Variants in ZNF532 observed in about 807,000 individuals in gnomAD.
ZNF532 encodes zinc finger protein 532.
A neutral mutation model predicts 89.3 loss-of-function variants in ZNF532; 22 were observed. The observed-to-expected ratio is 0.25, with a 90% confidence interval of 0.18 to 0.35. The LOEUF (loss-of-function observed/expected upper bound fraction) is 0.35, where lower values mean the gene tolerates loss of function less well. Ranked by LOEUF, ZNF532 falls within the 10% of genes least tolerant of loss-of-function variation. The pLI is 1.00. For missense variants in ZNF532, 1,132 were observed against 1,643.4 expected (o/e 0.69, Z 5.38); for synonymous variants, 606 against 649.6 (o/e 0.93, Z 1.02).
At chr18:58,969,873 CTTTTTTTTTTTTTT>C (rs10617418) in intron 7 of ZNF532, among the ~76,000 whole-genome samples, 3 of 84,750 alleles carry the variant, frequency 3.5e-5, no homozygotes, top group South Asian at 4.8e-4. Flanking sequence ...ATATTTGTCC[CTTTTTTTTTTTTTT>C]TTTTTTTTTT....
At chr18:58,880,793 T>TGTGTGTGTGTG (rs1402848016) in intron 2 of ZNF532, among the ~76,000 whole-genome samples, 3 of 151,440 alleles carry the variant, frequency 2.0e-5, no homozygotes, top group Non-Finnish European at 2.9e-5. Flanking sequence ...TGTGTGTATG[T>TGTGTGTGTGTG]TTGGGGCCCC....
At chr18:58,940,606 A>AG (rs1318928125) in intron 5 of ZNF532, among the ~76,000 whole-genome samples, 1 of 152,104 alleles carries the variant, frequency 6.6e-6, no homozygotes, top group East Asian at 1.9e-4. Flanking sequence ...TCCCCCATGA[A>AG]GTGAGGGTCC....
At chr18:58,916,709 T>C (rs1295659854) in intron 2 of ZNF532, 2 of 985,306 alleles carry the variant, frequency 2.0e-6, no homozygotes, top group African/African-American at 3.5e-5. Context: ...CTTCAGTGTG[T>C]TTGGATGTGT....
chr18:58,922,334 G>A (rs2061172661), intron 3 of ZNF532, among the ~76,000 whole-genome samples: 1 of 152,106 alleles, frequency 6.6e-6, no homozygotes, highest in Non-Finnish European at 1.5e-5. Context: ...TAAGTTCTTT[G>A]TAGCATTTTC....
chr18:58,978,825 G>C (rs984972520), intron 7 of ZNF532, among the ~76,000 whole-genome samples: 1 of 152,128 alleles, frequency 6.6e-6, no homozygotes, highest in Non-Finnish European at 1.5e-5. Flanking sequence ...TGGATAGCTT[G>C]AAGGGACTTT....
At chr18:58,933,905 A>G (rs138685416) in intron 3 of ZNF532, among the ~76,000 whole-genome samples, 16 of 152,322 alleles carry the variant, frequency 1.1e-4, no homozygotes, top group African/African-American at 3.6e-4. Context: ...TTAAAGGCCA[A>G]TTTTAGTGCA....
intron 2 of ZNF532, among the ~76,000 whole-genome samples, chr18:58,898,907 T>C (rs1162025718): frequency 1.3e-5 from 2 of 152,200 alleles, no homozygotes; most frequent in African/African-American, 4.8e-5. Context: ...GTTTGGCCAG[T>C]TTCCAAAATT....
rs147006206 is a variant in ZNF532, at chr18:58,951,044, G to A, written c.2869-2474G>A. ...TATCAGGGCTCAAGGCAGCCTCCAT[G>A]TCCTGGGCTCAGGTGATCCTCCAAC... On this transcript the variant is annotated intron_variant, in intron 6 of 9. Transcript: ENST00000591808. Among the ~76,000 whole-genome samples the A allele has an allele frequency of 3.1e-3, 465 of 151,768 alleles. 4 individuals are homozygous for A. The East Asian group carries it at 0.054, about 18-fold the overall frequency.
At chr18:58,951,427 G>C (rs1394933094) in intron 6 of ZNF532, among the ~76,000 whole-genome samples, 1 of 152,160 alleles carries the variant, frequency 6.6e-6, no homozygotes, top group Admixed American at 6.5e-5. Context: ...AAAGTTGCTA[G>C]AGGGTTTTAG....
rs1462406075 is a variant in ZNF532, at chr18:58,984,574, C to G, written c.*108C>G. The G allele has an allele frequency of 4.5e-6, 6 of 1,333,934 alleles. No individual in the cohort carries two copies. In the East Asian group the frequency reaches 1.0e-4, roughly 22 times the overall value. 82.6% of individuals were successfully genotyped at this position (1,333,934 alleles called of 1,614,324 possible). A position where few individuals can be genotyped will look rare whatever the true frequency, so the allele number is the denominator to read the frequency against. Reference sequence around the variant, plus strand: ...GTTAACAGTACTGTCTAGGCTGTTGCAATATATTCTCTTTCAATGTACCTT... The same window carrying G: ...GTTAACAGTACTGTCTAGGCTGTTGGAATATATTCTCTTTCAATGTACCTT... On this transcript the variant is annotated 3_prime_UTR_variant, in exon 10 of 10. Coordinates refer to ENST00000591808, the MANE Select transcript of ZNF532 (RefSeq NM_001375912.1).
At chr18:58,888,726 AAT>A (rs2058513817) in intron 2 of ZNF532, among the ~76,000 whole-genome samples, 9 of 53,300 alleles carry the variant, frequency 1.7e-4, no homozygotes, top group African/African-American at 1.0e-3. Context: ...TATATATATA[AAT>A]TATATATATA....
chr18:58,954,440 A>G (rs1257772742), intron 7 of ZNF532: 4 of 207,940 alleles, frequency 1.9e-5, no homozygotes, highest in Non-Finnish European at 2.5e-5. Context: ...ATTAAATACA[A>G]TATTAGGCTG....
At chr18:58,931,264 T>C (rs1165654620) in intron 3 of ZNF532, among the ~76,000 whole-genome samples, 1 of 152,118 alleles carries the variant, frequency 6.6e-6, no homozygotes, top group African/African-American at 2.4e-5. Context: ...CTTCAGCTTG[T>C]GTAGTAGAGT....
At chr18:58,982,749 C>T (rs764540129) in intron 9 of ZNF532, among the ~76,000 whole-genome samples, 2 of 152,162 alleles carry the variant, frequency 1.3e-5, no homozygotes, top group African/African-American at 2.4e-5. Flanking sequence ...AGTAAAACCT[C>T]CTCAGAATAT....
At chr18:58,963,172 A>G (rs2065534755) in intron 7 of ZNF532, among the ~76,000 whole-genome samples, 1 of 152,220 alleles carries the variant, frequency 6.6e-6, no homozygotes, top group African/African-American at 2.4e-5. Flanking sequence ...TTGGATTTAC[A>G]GCATTAGTAA....
At position 58,920,977 on chromosome 18, in the gene ZNF532, A is replaced by G. The variant is rs1051277250; in HGVS notation, c.2346+344A>G. ...GTGGCGTGTGCCTGTTGCGCCAGCT[A>G]TATTCGGGAGGCTGAGGTGGGAAGA... On this transcript the variant is annotated intron_variant, in intron 3 of 9. Transcript: ENST00000591808. Among the ~76,000 whole-genome samples, 4 of 151,888 alleles carry G rather than the reference A, an allele frequency of 2.6e-5. No homozygotes were observed. The East Asian group carries it at 5.8e-4, about 22-fold the overall frequency.
intron 3 of ZNF532, among the ~76,000 whole-genome samples, chr18:58,928,377 A>G (rs961170644): frequency 2.0e-5 from 3 of 152,348 alleles, no homozygotes; most frequent in Middle Eastern, 3.4e-3. Flanking sequence ...AACAATTGCC[A>G]GAGAGACTCA....
At position 58,888,732 on chromosome 18, in the gene ZNF532, ATATATATATTT is replaced by A. The variant is rs1340840211; in HGVS notation, c.-18+23163_-18+23173del. Among the ~76,000 whole-genome samples, 11 of 54,570 alleles carry A rather than the reference ATATATATATTT, an allele frequency of 2.0e-4. 1 individual carries two copies. Among genetic ancestry groups the A allele is most frequent in the African/African-American group, 8.9e-4 (8 of 9,002 alleles). 35.8% of individuals were successfully genotyped at this position (54,570 alleles called of 152,430 possible). ...ATATATATATATATATATAAATTATATATATATATTTTATATATATATAAAATTAATATATA... is the reference window on the plus strand; with the variant it reads ...ATATATATATATATATATAAATTATATATATATATATAAAATTAATATATA... On this transcript the variant is annotated intron_variant, in intron 2 of 9. Coordinates refer to ENST00000591808, the MANE Select transcript of ZNF532 (RefSeq NM_001375912.1).
chr18:58,925,892 G>T (rs999144772), intron 3 of ZNF532, among the ~76,000 whole-genome samples: 2 of 152,092 alleles, frequency 1.3e-5, no homozygotes, highest in African/African-American at 4.8e-5. Flanking sequence ...TCAAGTATCA[G>T]TTAGGCATTT....
Sources: allele counts gnomAD v4.1 joint callset (sites outside exome capture counted in the v4.1 genomes callset), GRCh38; gene constraint gnomAD v4.1.1; transcripts MANE v1.5; gene names NCBI Gene and HGNC (gene_info 2026-07-23, HGNC 2026-07-21).